Variants in ZNF333 observed in about 807,000 individuals in gnomAD.
ZNF333 encodes the protein zinc finger protein 333.
ZNF333 carries 61 observed loss-of-function variants against 76.1 expected under a neutral mutation model. The observed-to-expected ratio is 0.80, with a 90% CI of 0.65 to 0.99. The LOEUF (loss-of-function observed/expected upper bound fraction) is 0.99. ZNF333 is among the 50% of genes least tolerant of loss of function. ZNF333 has a pLI of 0.00. For missense variants in ZNF333, 717 were observed against 822.4 expected (o/e 0.87, Z 1.57); for synonymous variants, 284 against 305.0 (o/e 0.93, Z 0.72).
chr19:14,699,539 CA>C (rs1487021209), intron 5 of ZNF333: 1 of 340,432 alleles, frequency 2.9e-6, no homozygotes, highest in African/African-American at 2.1e-5. Context: ...CGGCTCATTT[CA>C]GCCTCCACCT....
At position 14,705,058 on chromosome 19, in the gene ZNF333, C is replaced by T. The variant is rs750398603; in HGVS notation, c.311C>T (p.Pro104Leu). 167 of 1,613,594 alleles carry T rather than the reference C, an allele frequency of 1.0e-4. No homozygotes were observed. Among genetic ancestry groups the T allele is most frequent in the Non-Finnish European group, 1.3e-4 (154 of 1,179,768 alleles). The change falls in exon 6 of 12, where the codon CCG becomes CTG. Residue 104 changes from proline to leucine, a missense_variant. By Grantham distance (98) the Pro-to-Leu change is moderately conservative. Transcript: ENST00000292530. Reference protein sequence around the residue: ...EASSRDMQMGPGLFLRMQLVP... With the variant: ...EASSRDMQMGLGLFLRMQLVP... ...CACCCTCTTGTCTTTTGCCAGGGGC[C>T]GGGGCTGTTCCTGAGGATGCAGCTG...
intron 9 of ZNF333, 31 bp downstream of exon 9, chr19:14,716,269 T>C: frequency 6.3e-7 from 1 of 1,596,424 alleles, no homozygotes; most frequent in Non-Finnish European, 8.5e-7. Context: ...CTTTCCTTTT[T>C]TTTTTTTGAG....
chr19:14,704,218 G>A (rs1231806407), intron 5 of ZNF333, among the ~76,000 whole-genome samples: 1 of 152,166 alleles, frequency 6.6e-6, no homozygotes, highest in African/African-American at 2.4e-5. Flanking sequence ...ACCCTCGGTG[G>A]TAGCTGGTGA....
At position 14,729,075 on chromosome 19, in the gene ZNF333, G is replaced by A. The variant is rs374369041; in HGVS notation, c.901-2100G>A. Among the ~76,000 whole-genome samples, 8 of 152,326 alleles carry A rather than the reference G, an allele frequency of 5.3e-5. No homozygotes were observed. The East Asian group carries it at 9.6e-4, about 18-fold the overall frequency. On this transcript the variant is annotated intron_variant, in intron 11 of 11. Transcript: ENST00000540689. ...TGGAACGGGTGCAGAATGCGTGACC[G>A]AGGGAACAGATGTGAGTTATTGATT... is the stretch of plus-strand genomic sequence containing the variant.
intron 5 of ZNF333, 38 bp downstream of exon 5, chr19:14,699,319 G>A (rs1411841820): frequency 1.3e-6 from 2 of 1,575,118 alleles, no homozygotes; most frequent in South Asian, 1.1e-5. Context: ...CCCAGCATGG[G>A]AGAAGTTGAG....
At chr19:14,698,036 A>G (rs1236883892) in intron 4 of ZNF333, among the ~76,000 whole-genome samples, 5 of 152,120 alleles carry the variant, frequency 3.3e-5, no homozygotes, top group Non-Finnish European at 7.3e-5. Context: ...GTCCACACAT[A>G]GCCCTACATA....
Position 14,699,201 on chromosome 19 carries a change from T to TG in ZNF333, c.229dup (p.Glu77GlyfsTer5). 2 of 1,613,692 alleles carry TG rather than the reference T, an allele frequency of 1.2e-6. No homozygotes were observed. Among genetic ancestry groups the TG allele is most frequent in the African/African-American group, 1.3e-5 (1 of 75,030 alleles). On this transcript the variant is annotated frameshift_variant, in exon 5 of 12. Transcript: ENST00000292530. LOFTEE classifies it high-confidence loss of function. The stretch of plus-strand genomic sequence containing the variant: ...ATTTTTTCTCCCATTCATTTCAGCC[T>TG]GGGAATCTCAACTTAAACCCGAAGA...
upstream of ZNF333, chr19:14,689,960 C>T (rs1309467551): frequency 2.0e-5 from 3 of 152,396 alleles, no homozygotes; most frequent in Non-Finnish European, 2.9e-5. Flanking sequence ...CTAAAGAAGA[C>T]GTTAGTTTCT....
chr19:14,706,572 A>T, intron 6 of ZNF333, 114 bp from the exon 7 acceptor site: 1 of 814,316 alleles, frequency 1.2e-6, no homozygotes, highest in Non-Finnish European at 2.1e-6. Flanking sequence ...CTCTTCTTTT[A>T]TTAATATGTT....
intron 4 of ZNF333, among the ~76,000 whole-genome samples, chr19:14,697,444 C>T (rs1334051443): frequency 6.7e-6 from 1 of 149,448 alleles, no homozygotes; most frequent in South Asian, 2.1e-4. Context: ...TCACTGCAGC[C>T]TCAGCCTTTT....
At chr19:14,693,002 T>A (rs1419453291) in intron 1 of ZNF333, among the ~76,000 whole-genome samples, 1 of 151,872 alleles carries the variant, frequency 6.6e-6, no homozygotes, top group Non-Finnish European at 1.5e-5. Context: ...AATTTTTGTA[T>A]TTTTAGTAGA....
chr19:14,731,049 C>A, intron 11 of ZNF333: 1 of 762,758 alleles, frequency 1.3e-6, no homozygotes, highest in South Asian at 1.5e-5. Context: ...CATAGGCAGT[C>A]CCTTACATGC....
chr19:14,706,789 G>C lies in ZNF333; in HGVS notation c.511+16G>C. The C allele has an allele frequency of 1.2e-6, 2 of 1,607,708 alleles. No individual in the cohort carries two copies. The highest frequency in any genetic ancestry group is 1.7e-6 in the Non-Finnish European group (2 of 1,176,696). ...AGGGATTCTGGTGAGTGAGTGCTGC[G>C]TGGAACACGTGGCCAGAGGGCCCTG... On this transcript the variant is annotated intron_variant, in intron 7 of 11. Transcript: ENST00000292530.
rs752559612 is a variant in ZNF333, at chr19:14,717,752, T to TA, written c.900+20dup. ...GAAAGGGGTAAGGCTCACCAGGGAT[T>TA]ATTCATGGTTCTCTATAGTAGGATG... On this transcript the variant is annotated intron_variant, in intron 11 of 11. Transcript: ENST00000292530. The TA allele has an allele frequency of 6.2e-7, 1 of 1,606,180 alleles. No individual in the cohort carries two copies. The highest frequency in any genetic ancestry group is 1.1e-5 in the South Asian group (1 of 90,902).
At chr19:14,694,182 C>A (rs1411134856) in intron 2 of ZNF333, among the ~76,000 whole-genome samples, 1 of 151,886 alleles carries the variant, frequency 6.6e-6, no homozygotes, top group Non-Finnish European at 1.5e-5. Flanking sequence ...TAAAAGGATT[C>A]TCAGATGAGG....
rs74482728 is a variant in ZNF333, at chr19:14,719,660, C to T, written c.*335C>T. The T allele has an allele frequency of 1.3e-3, 1,421 of 1,062,740 alleles. 7 individuals carry two copies. In the African/African-American group the frequency reaches 0.022, roughly 17 times the overall value. 65.8% of individuals were successfully genotyped at this position (1,062,740 alleles called of 1,614,324 possible). A position where few individuals can be genotyped will look rare whatever the true frequency, so the allele number is the denominator to read the frequency against. On this transcript the variant is annotated 3_prime_UTR_variant, in exon 12 of 12. Coordinates refer to ENST00000292530, the MANE Select transcript of ZNF333 (RefSeq NM_032433.4). ...AATGTTTCTATCTCTCTGGAAGGTT[C>T]CTGCATGTTATATGGCTATTTCTTA...
At chr19:14,725,682 A>C (rs2042628843), downstream of ZNF333, among the ~76,000 whole-genome samples, 2 of 152,370 alleles carry the variant, frequency 1.3e-5, no homozygotes. Context: ...GCAGTCATTA[A>C]ATCTTAAAGC....
At chr19:14,694,941 T>C in intron 2 of ZNF333, 69 bp from the exon 3 acceptor site, 1 of 1,600,086 alleles carries the variant, frequency 6.2e-7, no homozygotes, top group Non-Finnish European at 8.6e-7. Context: ...TCTTCTCCAG[T>C]GATAACCAGT....
At chr19:14,694,655 A>C (rs3915403) in intron 2 of ZNF333, among the ~76,000 whole-genome samples, 1 of 151,896 alleles carries the variant, frequency 6.6e-6, no homozygotes, top group Non-Finnish European at 1.5e-5. Flanking sequence ...CTCTCTAAGC[A>C]GGGAGGGACA....
Sources: gnomAD v4.1 joint callset for allele counts (sites outside exome capture counted in the v4.1 genomes callset) on GRCh38, gnomAD v4.1.1 for gene constraint, MANE v1.5 for transcripts, NCBI Gene and HGNC (gene_info 2026-07-23, HGNC 2026-07-21) for gene names.